RNF128: variants seen among roughly 807,000 people sequenced by gnomAD.
RNF128 encodes ring finger protein 128.
RNF128 carries 13 observed loss-of-function variants against 26.2 expected under a neutral mutation model. The observed-to-expected ratio is 0.50, with a 90% CI of 0.32 to 0.79. The LOEUF (loss-of-function observed/expected upper bound fraction) is 0.79, where lower values mean the gene tolerates loss of function less well. RNF128 is among the 30% of genes least tolerant of loss of function. The probability of loss-of-function intolerance (pLI) is 0.03; values close to 1 mark genes in which losing one functional copy is unlikely to be tolerated. For missense variants in RNF128, 315 were observed against 349.7 expected, an observed-to-expected ratio of 0.90 and a Z score of 0.79; for synonymous variants, 149 against 142.5, an observed-to-expected ratio of 1.05 and a Z score of -0.32.
chrX:106,757,111 C>T (rs201435320), intron 1 of RNF128, among the ~76,000 whole-genome samples: 1 of 66,539 alleles, frequency 1.5e-5, no homozygotes, highest in Admixed American at 1.9e-4. Context: ...TGTGGAGAAA[C>T]AGGAACACTT....
intron 1 of RNF128, among the ~76,000 whole-genome samples, chrX:106,730,563 A>G (rs928554742): frequency 8.9e-6 from 1 of 112,255 alleles, no homozygotes; most frequent in African/African-American, 3.2e-5. Context: ...TCACTATTGC[A>G]CAACAAACTG....
intron 3 of RNF128, among the ~76,000 whole-genome samples, chrX:106,787,000 G>A (rs1009241448): frequency 8.1e-5 from 9 of 111,137 alleles, no homozygotes; most frequent in Non-Finnish European, 1.7e-4. Context: ...TCATTTGCTG[G>A]TGAGAATGCA....
intron 1 of RNF128, among the ~76,000 whole-genome samples, chrX:106,752,858 G>C (rs1373265430): frequency 1.8e-5 from 2 of 111,342 alleles, no homozygotes; most frequent in Non-Finnish European, 3.8e-5. Flanking sequence ...TGAACAAAGA[G>C]ATTGAAATAC....
At chrX:106,747,421 G>C (rs989283951) in intron 1 of RNF128, among the ~76,000 whole-genome samples, 2 of 111,131 alleles carry the variant, frequency 1.8e-5, no homozygotes, top group African/African-American at 6.5e-5. Flanking sequence ...TGTTTGTTTA[G>C]AAAAATAGGA....
chrX:106,724,281 T>C (rs190885950), upstream of RNF128, among the ~76,000 whole-genome samples: 6 of 111,266 alleles, frequency 5.4e-5, no homozygotes, highest in East Asian at 1.7e-3. Context: ...CCACTACCTG[T>C]CTATCCAAGC....
At chrX:106,749,774 G>A (rs1929849000) in intron 1 of RNF128, among the ~76,000 whole-genome samples, 1 of 110,112 alleles carries the variant, frequency 9.1e-6, no homozygotes, top group Admixed American at 9.7e-5. Context: ...GTGTGGTGGT[G>A]TACACCTGTA....
intron 1 of RNF128, among the ~76,000 whole-genome samples, chrX:106,727,783 A>G (rs1272215404): frequency 9.0e-6 from 1 of 111,003 alleles, no homozygotes; most frequent in Non-Finnish European, 1.9e-5. Flanking sequence ...TCTGCTTTTT[A>G]ACAACCTCAG....
At chrX:106,701,318 T>A (rs148438665) in intron 1 of RNF128, among the ~76,000 whole-genome samples, 9 of 111,799 alleles carry the variant, frequency 8.1e-5, no homozygotes, top group Non-Finnish European at 1.5e-4. Flanking sequence ...TCATTGAGTA[T>A]GTTATTTGAT....
chrX:106,762,078 A>G (rs1034086046), intron 1 of RNF128, among the ~76,000 whole-genome samples: 2 of 110,628 alleles, frequency 1.8e-5, no homozygotes, highest in African/African-American at 3.3e-5. Flanking sequence ...TACCATATCC[A>G]TCACATGGAA....
chrX:106,714,797 C>A (rs1441361107), intron 1 of RNF128, among the ~76,000 whole-genome samples: 1 of 111,917 alleles, frequency 8.9e-6, no homozygotes, highest in Admixed American at 9.4e-5. Context: ...AATTGAATCT[C>A]ATTGTATGTA....
intron 2 of RNF128, among the ~76,000 whole-genome samples, chrX:106,776,791 G>C (rs937353110): frequency 6.3e-5 from 7 of 111,371 alleles, no homozygotes; most frequent in African/African-American, 2.3e-4. Context: ...CCAAAATAAG[G>C]CTAGTAGGAA....
chrX:106,788,410 T>G (rs1379900835), intron 4 of RNF128, among the ~76,000 whole-genome samples: 3 of 45,487 alleles, frequency 6.6e-5, no homozygotes, highest in East Asian at 8.5e-4. Context: ...ATATAATATA[T>G]AATATATAAT....
intron 1 of RNF128, among the ~76,000 whole-genome samples, chrX:106,719,419 C>T (rs1305110135): frequency 1.8e-5 from 2 of 111,522 alleles, no homozygotes; most frequent in African/African-American, 3.3e-5. Context: ...TGGGGTTTCG[C>T]CATGTTGGCC....
At position 106,790,289 on chromosome X, in the gene RNF128, A is replaced by C; in HGVS notation, c.984+7A>C. Reference sequence around the variant, plus strand: ...CAAAGCTTTGGGAATTGAGGTAAACATTAATATGTTATTTATATGAAGAAT... The same window carrying C: ...CAAAGCTTTGGGAATTGAGGTAAACCTTAATATGTTATTTATATGAAGAAT... On this transcript the variant is annotated splice_region_variant and intron_variant, in intron 5 of 6. Transcript: ENST00000255499. The C allele has an allele frequency of 9.1e-7, 1 of 1,101,578 alleles. No homozygotes were observed. The highest frequency in any genetic ancestry group is 3.0e-5 in the East Asian group (1 of 33,314). 90.8% of individuals were successfully genotyped at this position (1,101,578 alleles called of 1,213,427 possible).
At chrX:106,739,488 C>A (rs984938523) in intron 1 of RNF128, among the ~76,000 whole-genome samples, 1 of 111,588 alleles carries the variant, frequency 9.0e-6, no homozygotes, top group African/African-American at 3.3e-5. Context: ...AAAGCTTTGT[C>A]AATGTCAGAG....
At chrX:106,791,833 TTC>T (rs1456912649) in intron 6 of RNF128, among the ~76,000 whole-genome samples, 5 of 111,336 alleles carry the variant, frequency 4.5e-5, no homozygotes, top group African/African-American at 1.6e-4. Flanking sequence ...TTTTAGGGAG[TTC>T]TGTTTTTCCC....
chrX:106,769,807 T>C (rs1332927777), intron 1 of RNF128, among the ~76,000 whole-genome samples: 1 of 110,944 alleles, frequency 9.0e-6, no homozygotes, highest in East Asian at 2.8e-4. Context: ...GTTAGCTGGT[T>C]ATTTTGCTCG....
chrX:106,787,830 G>A (rs1200904175), intron 3 of RNF128, 88 bp from the exon 4 acceptor site: 5 of 569,878 alleles, frequency 8.8e-6, no homozygotes, highest in Non-Finnish European at 1.4e-5. Flanking sequence ...AATTTAGGCT[G>A]GTTAAGTACA....
At chrX:106,735,811 C>T (rs762444313) in intron 1 of RNF128, among the ~76,000 whole-genome samples, 3 of 111,172 alleles carry the variant, frequency 2.7e-5, no homozygotes, top group Admixed American at 9.7e-5. Flanking sequence ...TGTGCCTTGA[C>T]GACTAAAAGA....
Sources: allele counts gnomAD v4.1 joint callset (sites outside exome capture counted in the v4.1 genomes callset), GRCh38; gene constraint gnomAD v4.1.1; transcripts MANE v1.5; gene names NCBI Gene and HGNC (gene_info 2026-07-23, HGNC 2026-07-21).